TPTE: variants seen among roughly 807,000 people sequenced by gnomAD.
The protein encoded by TPTE is putative tyrosine-protein phosphatase TPTE.
TPTE carries 59 observed loss-of-function variants against 84.1 expected under a neutral mutation model. That is an observed-to-expected ratio of 0.70 (90% CI 0.57 to 0.87). The LOEUF (loss-of-function observed/expected upper bound fraction) is 0.87. TPTE is among the 40% of genes least tolerant of loss of function. The probability of loss-of-function intolerance (pLI) is 0.00; values close to 1 mark genes in which losing one functional copy is unlikely to be tolerated. For missense variants in TPTE, 382 were observed against 659.6 expected, an observed-to-expected ratio of 0.58 and a Z score of 4.61; for synonymous variants, 130 against 223.5, an observed-to-expected ratio of 0.58 and a Z score of 3.73.
chr21:10,542,672 CAT>C (rs1438248714), intron 6 of TPTE, among the ~76,000 whole-genome samples: 2 of 152,304 alleles, frequency 1.3e-5, no homozygotes, highest in Non-Finnish European at 2.9e-5. Context: ...ATGATGGAAA[CAT>C]AGACCAAAGA....
chr21:10,534,747 T>C (rs939607654), intron 3 of TPTE, among the ~76,000 whole-genome samples: 4 of 152,306 alleles, frequency 2.6e-5, no homozygotes, highest in Admixed American at 2.6e-4. Flanking sequence ...TCTGAAGTAC[T>C]GGTAGTTTCA....
At chr21:10,585,748 TA>T (rs1600956936) in intron 17 of TPTE, among the ~76,000 whole-genome samples, 1 of 152,312 alleles carries the variant, frequency 6.6e-6, no homozygotes, top group East Asian at 1.9e-4. Context: ...GAGAAGTCTT[TA>T]AATTATGGCT....
chr21:10,561,450 C>G, intron 10 of TPTE, among the ~76,000 whole-genome samples: 1 of 152,068 alleles, frequency 6.6e-6, no homozygotes. Context: ...CGAGATCATG[C>G]CATTGCACTC....
At chr21:10,596,669 G>A (rs60270081) in intron 20 of TPTE, among the ~76,000 whole-genome samples, 6,421 of 140,688 alleles carry the variant, frequency 0.046, no homozygotes, top group South Asian at 0.09. Context: ...TCCCACTGCC[G>A]GAGATGTAGC....
At chr21:10,526,317 T>C (rs1392127201) in intron 2 of TPTE, among the ~76,000 whole-genome samples, 1 of 152,310 alleles carries the variant, frequency 6.6e-6, no homozygotes, top group Admixed American at 6.5e-5. Context: ...GCTGAAAGAC[T>C]AGCACAATAT....
At chr21:10,563,093 G>C (rs1264281832) in intron 10 of TPTE, among the ~76,000 whole-genome samples, 2 of 152,310 alleles carry the variant, frequency 1.3e-5, no homozygotes, top group Non-Finnish European at 2.9e-5. Flanking sequence ...GGCCAGGAGA[G>C]AGTGGCATGA....
intron 8 of TPTE, among the ~76,000 whole-genome samples, chr21:10,553,615 T>G (rs548385162): frequency 4.5e-4 from 68 of 152,406 alleles, no homozygotes; most frequent in African/African-American, 1.5e-3. Context: ...GTTTTCATTT[T>G]ATTTTATTTT....
At chr21:10,539,975 C>T (rs1288592639) in intron 4 of TPTE, among the ~76,000 whole-genome samples, 3 of 152,312 alleles carry the variant, frequency 2.0e-5, no homozygotes, top group Non-Finnish European at 2.9e-5. Flanking sequence ...TGCCACTGCA[C>T]TCCAGCTTGG....
chr21:10,567,015 A>G lies in TPTE; in HGVS notation c.447-655A>G, dbSNP rs1355779027. Among the ~76,000 whole-genome samples, 9 of 152,286 alleles carry G rather than the reference A, an allele frequency of 5.9e-5. No individual in the cohort carries two copies. The East Asian group carries it at 9.6e-4, about 16-fold the overall frequency. On this transcript the variant is annotated intron_variant, in intron 10 of 23. Coordinates refer to ENST00000618007, the MANE Select transcript of TPTE (RefSeq NM_199261.4). The stretch of plus-strand genomic sequence containing the variant: ...AAAAAATACTGTCATTTGGAACAAC[A>G]TGGATGGAACTGGAGATCACTATGT...
At position 10,572,663 on chromosome 21, in the gene TPTE, C is replaced by T. The variant is rs553399018; in HGVS notation, c.795+2114C>T. 2.0e-5 allele frequency among the ~76,000 whole-genome samples: 3 copies of T among 152,418 alleles called. No individual in the cohort carries two copies. The East Asian group carries it at 5.8e-4, about 29-fold the overall frequency. ...ATACGATACCTAGTAGAGCTATCCC[C>T]TAGAAATGAGGGAGAAATAAAGTAT... On this transcript the variant is annotated intron_variant, in intron 14 of 23. Coordinates refer to ENST00000618007, the MANE Select transcript of TPTE (RefSeq NM_199261.4).
At chr21:10,600,024 C>CA (rs1182109719) in intron 21 of TPTE, among the ~76,000 whole-genome samples, 40 of 152,344 alleles carry the variant, frequency 2.6e-4, no homozygotes, top group Admixed American at 4.6e-4. Flanking sequence ...AGGCTGGTCT[C>CA]AGACTCCTGG....
chr21:10,527,332 A>C (rs1196257562), intron 2 of TPTE, 23 bp from the exon 3 acceptor site: 1 of 152,796 alleles, frequency 6.5e-6, no homozygotes, highest in Non-Finnish European at 1.5e-5. Context: ...TATTTTTTGT[A>C]TGTGCTTTTT....
At chr21:10,570,228 C>CT (rs1413878641) in intron 13 of TPTE, among the ~76,000 whole-genome samples, 21 of 152,410 alleles carry the variant, frequency 1.4e-4, no homozygotes, top group African/African-American at 4.8e-4. Context: ...GAACTTCAGA[C>CT]TGAGGCCATC....
At chr21:10,589,238 C>A (rs1380029912) in intron 17 of TPTE, among the ~76,000 whole-genome samples, 1 of 152,388 alleles carries the variant, frequency 6.6e-6, no homozygotes, top group East Asian at 1.9e-4. Context: ...GACTGTAGAG[C>A]ATGCTGGGTA....
chr21:10,554,814 G>C (rs1340620307), intron 8 of TPTE, among the ~76,000 whole-genome samples: 4 of 152,420 alleles, frequency 2.6e-5, no homozygotes, highest in African/African-American at 9.6e-5. Flanking sequence ...TTTGTCTTAA[G>C]GTATAAAGTG....
At chr21:10,548,571 C>G (rs553108809) in intron 7 of TPTE, among the ~76,000 whole-genome samples, 885 of 152,074 alleles carry the variant, frequency 5.8e-3, no homozygotes, top group African/African-American at 0.019. Flanking sequence ...TAGAATAGCT[C>G]TATGGACTAC....
intron 21 of TPTE, among the ~76,000 whole-genome samples, chr21:10,600,948 C>A (rs1978409499): frequency 6.6e-6 from 1 of 152,310 alleles, no homozygotes; most frequent in Non-Finnish European, 1.5e-5. Flanking sequence ...CACTCTCCCC[C>A]TCCCTTGGGA....
Position 10,562,296 on chromosome 21 carries a change from A to G in TPTE, c.446+1105A>G, listed in dbSNP as rs1271945846. 5.3e-5 allele frequency among the ~76,000 whole-genome samples: 8 copies of G among 151,770 alleles called. No individual in the cohort carries two copies. The East Asian group carries it at 1.3e-3, about 26-fold the overall frequency. ...CAAACAAGCCCTGACAGTGAAAACTACAATAAATACAGTGAAAACTACAAT... is the reference window on the plus strand; with the variant it reads ...CAAACAAGCCCTGACAGTGAAAACTGCAATAAATACAGTGAAAACTACAAT... On this transcript the variant is annotated intron_variant, in intron 10 of 23. Transcript: ENST00000618007.
chr21:10,536,007 G>A (rs2074259258), intron 3 of TPTE, among the ~76,000 whole-genome samples: 1 of 152,312 alleles, frequency 6.6e-6, no homozygotes, highest in South Asian at 2.1e-4. Context: ...GCCAGGCATG[G>A]TGGCTCATAT....
Sources: gnomAD v4.1 joint callset for allele counts (sites outside exome capture counted in the v4.1 genomes callset) on GRCh38, gnomAD v4.1.1 for gene constraint, MANE v1.5 for transcripts, NCBI Gene and HGNC (gene_info 2026-07-23, HGNC 2026-07-21) for gene names.